Variants in UNC5D observed in about 807,000 individuals in gnomAD.
UNC5D encodes unc-5 netrin receptor D, also known as netrin receptor UNC5D.
UNC5D carries 39 observed loss-of-function variants against 105.4 expected under a neutral mutation model. The ratio of observed to expected loss-of-function variants is 0.37; its 90% CI spans 0.29 to 0.48. The LOEUF is 0.48. Ranked by LOEUF, UNC5D falls within the 20% of genes least tolerant of loss-of-function variation. The pLI, the probability that UNC5D is intolerant of heterozygous loss-of-function variation, is 0.98. For missense variants in UNC5D, 991 were observed against 1,202.4 expected (o/e 0.82, Z 2.60); for synonymous variants, 452 against 450.4 (o/e 1.00, Z -0.04).
chr8:35,577,655 T>C (rs1818182445), intron 3 of UNC5D, among the ~76,000 whole-genome samples: 2 of 152,182 alleles, frequency 1.3e-5, no homozygotes. Context: ...TATGAATTGA[T>C]TCACACAAAC....
Position 35,322,637 on chromosome 8 carries a change from A to G in UNC5D, c.103+86750A>G, listed in dbSNP as rs563206460. 1.7e-4 allele frequency among the ~76,000 whole-genome samples: 26 copies of G among 152,286 alleles called. 1 individual carries two copies. The East Asian group carries it at 2.9e-3, about 17-fold the overall frequency. On this transcript the variant is annotated intron_variant, in intron 1 of 16. Coordinates refer to ENST00000404895, the MANE Select transcript of UNC5D (RefSeq NM_080872.4). The stretch of plus-strand genomic sequence containing the variant: ...GATTTAATAATGATGTGAATAGAAG[A>G]TATGTGTACGTGAAATTTCCTTATT...
chr8:35,786,697 C>G (rs560093013), intron 16 of UNC5D, among the ~76,000 whole-genome samples: 29 of 152,184 alleles, frequency 1.9e-4, no homozygotes, highest in East Asian at 1.4e-3. Flanking sequence ...GGACATAGAG[C>G]TAGAGATTCA....
intron 4 of UNC5D, among the ~76,000 whole-genome samples, chr8:35,641,387 A>AAAAAAAAAAAAAG (rs1563621898): frequency 1.4e-5 from 2 of 139,334 alleles, no homozygotes; most frequent in African/African-American, 2.7e-5. Context: ...AAAAAAAAAG[A>AAAAAAAAAAAAAG]AAAAAAAAAA....
chr8:35,759,393 A>G lies in UNC5D; in HGVS notation c.2237A>G (p.Asn746Ser). 1.2e-6 allele frequency: 2 copies of G among 1,614,106 alleles called. No homozygotes were observed. The highest frequency in any genetic ancestry group is 1.1e-5 in the South Asian group (1 of 91,076). The part of the protein sequence containing the change: ...EEPKLLHFKG[N>S]TFSLQISVLD... ...CCAAAATTGCTGCATTTCAAAGGGA[A>G]TACCTTTAGTCTTCAGATTTCTGTC... is the stretch of plus-strand genomic sequence containing the variant. Residue 746 changes from asparagine to serine, a missense_variant, in exon 14 of 17, where the codon AAT becomes AGT. Asn to Ser is a conservative substitution (Grantham distance 46, BLOSUM62 1). Coordinates refer to ENST00000404895, the MANE Select transcript of UNC5D (RefSeq NM_080872.4).
At chr8:35,365,591 CAAAAAAAAAA>C (rs10715369) in intron 1 of UNC5D, among the ~76,000 whole-genome samples, 2 of 49,886 alleles carry the variant, frequency 4.0e-5, no homozygotes, top group African/African-American at 8.1e-5. Flanking sequence ...CCATCCCCTG[CAAAAAAAAAA>C]AAAAAAAAAA....
At chr8:35,327,391 C>G (rs369611439) in intron 1 of UNC5D, among the ~76,000 whole-genome samples, 6 of 152,064 alleles carry the variant, frequency 3.9e-5, no homozygotes, top group Admixed American at 3.9e-4. Context: ...CATCTCATGC[C>G]GATGACCCGT....
intron 1 of UNC5D, among the ~76,000 whole-genome samples, chr8:35,367,447 A>G (rs1414436145): frequency 1.3e-5 from 2 of 152,210 alleles, no homozygotes; most frequent in African/African-American, 4.8e-5. Flanking sequence ...AGATGAAAAC[A>G]TAAGCATAAA....
intron 2 of UNC5D, among the ~76,000 whole-genome samples, chr8:35,550,451 T>G (rs927931312): frequency 7.2e-5 from 11 of 152,202 alleles, no homozygotes; most frequent in Non-Finnish European, 1.6e-4. Flanking sequence ...GTCAACTGCT[T>G]GACTTGGTCA....
At chr8:35,731,657 AG>A (rs1829205882) in intron 11 of UNC5D, among the ~76,000 whole-genome samples, 1 of 152,186 alleles carries the variant, frequency 6.6e-6, no homozygotes, top group African/African-American at 2.4e-5. Flanking sequence ...TCGTTAGGTC[AG>A]AAGCAGTGCC....
chr8:35,292,716 C>CTTTTTTTTTTTT (rs35935733), intron 1 of UNC5D, among the ~76,000 whole-genome samples: 5 of 123,638 alleles, frequency 4.0e-5, no homozygotes, highest in Non-Finnish European at 6.6e-5. Flanking sequence ...CTTTTTTTTC[C>CTTTTTTTTTTTT]TTTTTTTTTT....
chr8:35,260,072 C>T (rs186698328), intron 1 of UNC5D, among the ~76,000 whole-genome samples: 9 of 152,222 alleles, frequency 5.9e-5, no homozygotes, highest in East Asian at 1.9e-4. Context: ...AATCTCTAAC[C>T]GCTGAGAATG....
chr8:35,422,296 A>C (rs1319154647), intron 1 of UNC5D, among the ~76,000 whole-genome samples: 1 of 152,178 alleles, frequency 6.6e-6, no homozygotes, highest in African/African-American at 2.4e-5. Flanking sequence ...TCATGCTTAG[A>C]AAGAGGTTGG....
At chr8:35,541,842 C>T (rs767060327) in intron 1 of UNC5D, among the ~76,000 whole-genome samples, 5 of 151,880 alleles carry the variant, frequency 3.3e-5, no homozygotes, top group Non-Finnish European at 7.4e-5. Context: ...CATGCACATG[C>T]GTCTATTTAA....
At chr8:35,430,073 G>C (rs1025017198) in intron 1 of UNC5D, among the ~76,000 whole-genome samples, 4 of 152,116 alleles carry the variant, frequency 2.6e-5, no homozygotes, top group African/African-American at 9.7e-5. Context: ...GAGCTGGAGG[G>C]CTGGCAGCTC....
intron 7 of UNC5D, among the ~76,000 whole-genome samples, chr8:35,700,529 C>A (rs543077893): frequency 6.6e-6 from 1 of 152,180 alleles, no homozygotes; most frequent in South Asian, 2.1e-4. Context: ...GAGAAGCAAT[C>A]CCTGCAAATG....
At position 35,252,232 on chromosome 8, in the gene UNC5D, T is replaced by C. The variant is rs1288180319; in HGVS notation, c.103+16345T>C. Among the ~76,000 whole-genome samples, 10 of 152,134 alleles carry C rather than the reference T, an allele frequency of 6.6e-5. 1 individual carries two copies. Among genetic ancestry groups the C allele is most frequent in the Admixed American group, 6.5e-4 (10 of 15,270 alleles). On this transcript the variant is annotated intron_variant, in intron 1 of 16. Transcript: ENST00000404895. ...CTGGTTCAAGTAAAACATTTTGTGA[T>C]TTATTTAATTGTTGCATATGAATAA...
intron 1 of UNC5D, among the ~76,000 whole-genome samples, chr8:35,457,424 T>C (rs979950658): frequency 6.6e-6 from 1 of 152,200 alleles, no homozygotes; most frequent in African/African-American, 2.4e-5. Flanking sequence ...TGTCTACAAC[T>C]ACCACAAATT....
chr8:35,647,087 T>G (rs979241137), intron 4 of UNC5D, among the ~76,000 whole-genome samples: 1 of 152,274 alleles, frequency 6.6e-6, no homozygotes, highest in African/African-American at 2.4e-5. Flanking sequence ...GATGTTTCTA[T>G]CTGTTTGACT....
At chr8:35,365,820 G>A (rs931353587) in intron 1 of UNC5D, among the ~76,000 whole-genome samples, 12 of 152,016 alleles carry the variant, frequency 7.9e-5, no homozygotes, top group African/African-American at 2.7e-4. Flanking sequence ...AATGCTTTGA[G>A]TGCATCTTAT....
Sources: gnomAD v4.1 joint callset for allele counts (sites outside exome capture counted in the v4.1 genomes callset) on GRCh38, gnomAD v4.1.1 for gene constraint, MANE v1.5 for transcripts, NCBI Gene and HGNC (gene_info 2026-07-23, HGNC 2026-07-21) for gene names.